UBA52: variants seen among roughly 807,000 people sequenced by gnomAD.
The protein encoded by UBA52 is ubiquitin-ribosomal protein eL40 fusion protein.
A neutral mutation model predicts 15.3 loss-of-function variants in UBA52; 1 was observed. That is an observed-to-expected ratio of 0.07 (90% CI 0.02 to 0.31). UBA52 has a LOEUF of 0.31. Among genes scored for constraint, UBA52 ranks in the 10% least tolerant of loss-of-function variants. UBA52 has a pLI of 1.00. For synonymous variants in UBA52, 50 were observed against 58.3 expected (o/e 0.86, Z 0.65); for missense variants, 87 against 168.0 (o/e 0.52, Z 2.66).
rs879266929 is a variant in UBA52, at chr19:18,575,647, C to T, written c.*497C>T. ...CTATGTTGTCCAGGCTGGTCTTGAA[C>T]TCCTGGGCTCAAGCCATCCGCCCAT... On this transcript the variant is annotated 3_prime_UTR_variant, in exon 5 of 5. Transcript: ENST00000442744. 18 of 168,788 alleles carry T rather than the reference C, an allele frequency of 1.1e-4. No homozygotes were observed. Among genetic ancestry groups the T allele is most frequent in the Non-Finnish European group, 1.8e-4 (14 of 77,696 alleles). The allele number at this position is 168,788 out of a possible 1,614,324, so 10.5% of individuals were successfully genotyped here. A position where few individuals can be genotyped will look rare whatever the true frequency, so the allele number is the denominator to read the frequency against.
intron 2 of UBA52, 87 bp from the exon 3 acceptor site, chr19:18,573,575 C>T: frequency 2.7e-6 from 4 of 1,464,530 alleles, no homozygotes; most frequent in Non-Finnish European, 3.8e-6. Flanking sequence ...TTTTGAGAAA[C>T]TGGGGGTAGT....
intron 2 of UBA52, 41 bp from the exon 3 acceptor site, chr19:18,573,621 A>G (rs753040574): frequency 2.1e-5 from 34 of 1,601,052 alleles, no homozygotes; most frequent in Middle Eastern, 1.7e-4. Context: ...TGCCAGTAAT[A>G]TGGTCCGCAG....
Position 18,573,028 on chromosome 19 carries a change from C to T in UBA52, c.-8-265C>T, listed in dbSNP as rs73529585. The stretch of plus-strand genomic sequence containing the variant: ...TAAACCTAAGGAGAATAACCACAGT[C>T]TGTGTTCCTGAAGAGCACCCGTGCG... On this transcript the variant is annotated intron_variant, in intron 1 of 4. Transcript: ENST00000442744. The T allele has an allele frequency of 1.5e-3, 2,025 of 1,307,736 alleles. 18 individuals carry two copies. In the African/African-American group the frequency reaches 0.023, roughly 15 times the overall value. The allele number at this position is 1,307,736 out of a possible 1,614,324, so 81.0% of individuals were successfully genotyped here. A position where few individuals can be genotyped will look rare whatever the true frequency, so the allele number is the denominator to read the frequency against.
chr19:18,572,881 T>C, intron 1 of UBA52: 1 of 1,069,724 alleles, frequency 9.3e-7, no homozygotes, highest in Non-Finnish European at 1.1e-6. Flanking sequence ...GAGCAGCCTG[T>C]GCAGATCAGG....
chr19:18,573,191 T>C, intron 1 of UBA52, 102 bp from the exon 2 acceptor site: 2 of 1,227,764 alleles, frequency 1.6e-6, no homozygotes, highest in South Asian at 1.4e-5. Flanking sequence ...CAGTTGGACT[T>C]GGTGCAGGCA....
rs1424174472 is a variant in UBA52, at chr19:18,571,861, T to A, written c.-57T>A. The A allele has an allele frequency of 6.5e-6, 1 of 152,714 alleles. No homozygotes were observed. Among genetic ancestry groups the A allele is most frequent in the Non-Finnish European group, 1.5e-5 (1 of 68,396 alleles). 9.5% of individuals were successfully genotyped at this position (152,714 alleles called of 1,614,324 possible). ...GGTGGTTTCCGGTTCCGCTATCTTC[T>A]TTTTCTTCAGCGAGGCGGCCGAGCT... is the stretch of plus-strand genomic sequence containing the variant. On this transcript the variant is annotated 5_prime_UTR_variant, in exon 1 of 5. Transcript: ENST00000442744.
Position 18,574,922 on chromosome 19 carries a change from T to C in UBA52, c.243T>C (p.Ser81=). Residue 81 remains serine (S), a synonymous_variant, in exon 4 of 5, where the codon TCT becomes TCC. Coordinates refer to ENST00000442744, the MANE Select transcript of UBA52 (RefSeq NM_001033930.3). ...TGCGAGGTGGCATTATTGAGCCTTC[T>C]CTCCGCCAGCTTGCCCAGAAATACA... ...LRLRGGIIEP[S]LRQLAQKYNC... 6.2e-7 allele frequency: 1 copy of C among 1,614,166 alleles called. No individual in the cohort carries two copies. Among genetic ancestry groups the C allele is most frequent in the South Asian group, 1.1e-5 (1 of 91,082 alleles).
rs1244716856 is a variant in UBA52 at position 18,575,919 on chromosome 19, TG to T, written c.*770del. ...CCGCCACAACTCCTGGCTAATTTTTTGTATTTTTAGTAGAGACGGGGTTTCA... is the reference window on the plus strand; with the variant it reads ...CCGCCACAACTCCTGGCTAATTTTTTTATTTTTAGTAGAGACGGGGTTTCA... On this transcript the variant is annotated 3_prime_UTR_variant, in exon 5 of 5. Transcript: ENST00000442744. 1 of 152,334 alleles carries T rather than the reference TG, an allele frequency of 6.6e-6. No homozygotes were observed. Among genetic ancestry groups the T allele is most frequent in the Admixed American group, 6.6e-5 (1 of 15,264 alleles). The allele number at this position is 152,334 out of a possible 1,614,324, so 9.4% of individuals were successfully genotyped here. A position where few individuals can be genotyped will look rare whatever the true frequency, so the allele number is the denominator to read the frequency against.
At chr19:18,572,047 G>T (rs1292053123) in intron 1 of UBA52, 138 bp downstream of exon 1, 2 of 152,250 alleles carry the variant, frequency 1.3e-5, no homozygotes, top group East Asian at 3.9e-4. Flanking sequence ...GCCACGGCTC[G>T]GAGCCCAGAC....
chr19:18,567,436 T>C (rs1476171621), upstream of UBA52: 9 of 689,324 alleles, frequency 1.3e-5, no homozygotes, highest in African/African-American at 1.2e-4. Context: ...TGACAATCCT[T>C]ATCCCTGTGT....
chr19:18,574,239 A>AT lies in UBA52; in HGVS notation c.190+498dup, dbSNP rs547094973. Among the ~76,000 whole-genome samples the AT allele has an allele frequency of 6.7e-4, 101 of 150,838 alleles. 2 individuals are homozygous for AT. In the South Asian group the frequency reaches 0.02, roughly 30 times the overall value. Reference sequence around the variant, plus strand: ...ACAAAAAAAAAAAGTCATAATGTGAATTTTTTTATCACTGCAATAAGGAAA... The same window carrying AT: ...ACAAAAAAAAAAAGTCATAATGTGAATTTTTTTTATCACTGCAATAAGGAAA... On this transcript the variant is annotated intron_variant, in intron 3 of 4. Coordinates refer to ENST00000442744, the MANE Select transcript of UBA52 (RefSeq NM_001033930.3).
upstream of UBA52, among the ~76,000 whole-genome samples, chr19:18,569,716 C>G (rs1458283745): frequency 6.6e-6 from 1 of 151,250 alleles, no homozygotes; most frequent in African/African-American, 2.4e-5. Context: ...CCCAGGGTTA[C>G]CTCATCTTCT....
rs41293593 is a variant in UBA52 at position 18,576,229 on chromosome 19, C to G, written c.*1079C>G. ...GGTCATGGCTCCCTGTACCCTGGAACTCAGGCTTGGGTGATCCTCTCTCCT... is the reference window on the plus strand; with the variant it reads ...GGTCATGGCTCCCTGTACCCTGGAAGTCAGGCTTGGGTGATCCTCTCTCCT... On this transcript the variant is annotated 3_prime_UTR_variant, in exon 5 of 5. Coordinates refer to ENST00000442744, the MANE Select transcript of UBA52 (RefSeq NM_001033930.3). 7,491 of 152,392 alleles carry G rather than the reference C, an allele frequency of 0.049. 632 individuals carry two copies. The highest frequency in any genetic ancestry group is 0.17 in the African/African-American group (7,160 of 41,504). 9.4% of individuals were successfully genotyped at this position (152,392 alleles called of 1,614,324 possible). A position where few individuals can be genotyped will look rare whatever the true frequency, so the allele number is the denominator to read the frequency against.
upstream of UBA52, chr19:18,568,901 G>A (rs745531175): frequency 5.1e-5 from 25 of 487,514 alleles, no homozygotes; most frequent in Non-Finnish European, 9.2e-5. Context: ...GTGGGGCTGG[G>A]CACAGGGGAA....
upstream of UBA52, chr19:18,567,073 A>G: frequency 9.0e-6 from 14 of 1,555,348 alleles, no homozygotes; most frequent in South Asian, 1.6e-4. Flanking sequence ...TGTGGCCAGC[A>G]CCAGGCCCAG....
In UBA52 at chr19:18,574,928, C is replaced by T; in HGVS notation, c.249C>T (p.Arg83=). 1 of 1,614,172 alleles carries T rather than the reference C, an allele frequency of 6.2e-7. No individual in the cohort carries two copies. Among genetic ancestry groups the T allele is most frequent in the Non-Finnish European group, 8.5e-7 (1 of 1,180,042 alleles). ...GTGGCATTATTGAGCCTTCTCTCCG[C>T]CAGCTTGCCCAGAAATACAACTGCG... ...LRGGIIEPSL[R]QLAQKYNCDK... The change falls in exon 4 of 5, where the codon CGC becomes CGT. Residue 83 remains arginine, a synonymous_variant. Transcript: ENST00000442744.
chr19:18,574,381 C>T (rs907046558), intron 3 of UBA52, among the ~76,000 whole-genome samples: 8 of 151,472 alleles, frequency 5.3e-5, no homozygotes, highest in South Asian at 2.1e-4. Context: ...CTCCGTCTCC[C>T]GGGTTCAAGC....
chr19:18,571,694 G>C (rs1975484526), upstream of UBA52: 1 of 152,282 alleles, frequency 6.6e-6, no homozygotes. Context: ...AACCGGAAGC[G>C]GGTGGGCGAC....
Position 18,574,878 on chromosome 19 carries a change from C to T in UBA52, c.199C>T (p.Leu67=). Reference sequence around the variant, plus strand: ...CTGGCTGTCTCCTGCAGAGTCCACCCTGCACCTGGTGTTGCGCCTGCGAGG... The same window carrying T: ...CTGGCTGTCTCCTGCAGAGTCCACCTTGCACCTGGTGTTGCGCCTGCGAGG... The part of the protein sequence containing the change: ...SDYNIQKEST[L]HLVLRLRGGI... Residue 67 remains leucine (L), a synonymous_variant, in exon 4 of 5, where the codon CTG becomes TTG. Coordinates refer to ENST00000442744, the MANE Select transcript of UBA52 (RefSeq NM_001033930.3). 1 of 1,613,696 alleles carries T rather than the reference C, an allele frequency of 6.2e-7. No homozygotes were observed. The highest frequency in any genetic ancestry group is 8.5e-7 in the Non-Finnish European group (1 of 1,180,028).
Sources: gnomAD v4.1 joint callset for allele counts (sites outside exome capture counted in the v4.1 genomes callset) on GRCh38, gnomAD v4.1.1 for gene constraint, MANE v1.5 for transcripts, NCBI Gene and HGNC (gene_info 2026-07-23, HGNC 2026-07-21) for gene names.